The following TGFBR1 variants were observed in gnomAD, a reference collection of about 807,000 sequenced individuals.
The protein encoded by TGFBR1 is transforming growth factor beta receptor 1, also known as TGF-beta receptor type-1.
In TGFBR1, 20 loss-of-function variants were observed where a neutral mutation model predicts 55.1. That is an observed-to-expected ratio of 0.36 (90% CI 0.26 to 0.53). The LOEUF is 0.53. TGFBR1 is among the 20% of genes least tolerant of loss of function. The pLI is 0.91. For synonymous variants in TGFBR1, 220 were observed against 214.8 expected, an observed-to-expected ratio of 1.02 and a Z score of -0.21; for missense variants, 385 against 617.6, an observed-to-expected ratio of 0.62 and a Z score of 3.99.
Position 99,142,627 on chromosome 9 carries a change from G to A in TGFBR1, c.897G>A (p.Val299=), listed in dbSNP as rs369881419. The part of the protein sequence containing the change: ...FDYLNRYTVT[V]EGMIKLALST... ...ACTTAAACAGATACACAGTTACTGT[G>A]GAAGGAATGATAAAACTTGCTCTGT... Residue 299 remains valine, a synonymous_variant, in exon 5 of 9, where the codon GTG becomes GTA. Transcript: ENST00000374994. 38 of 1,613,938 alleles carry A rather than the reference G, an allele frequency of 2.4e-5. No individual in the cohort carries two copies. Among genetic ancestry groups the A allele is most frequent in the Non-Finnish European group, 3.1e-5 (36 of 1,179,934 alleles).
Position 99,149,832 on chromosome 9 carries a change from A to G in TGFBR1, c.*527A>G, listed in dbSNP as rs1263693104. 1 of 225,056 alleles carries G rather than the reference A, an allele frequency of 4.4e-6. No individual in the cohort carries two copies. Among genetic ancestry groups the G allele is most frequent in the African/African-American group, 2.2e-5 (1 of 44,536 alleles). 13.9% of individuals were successfully genotyped at this position (225,056 alleles called of 1,614,324 possible). ...TAAAACTCTTATCTTGAGTCTAAAA[A>G]TGACCTCATATAGTAGTGAGGAACA... On this transcript the variant is annotated 3_prime_UTR_variant, in exon 9 of 9. Coordinates refer to ENST00000374994, the MANE Select transcript of TGFBR1 (RefSeq NM_004612.4).
intron 3 of TGFBR1, among the ~76,000 whole-genome samples, chr9:99,134,736 A>G (rs1036584970): frequency 6.8e-6 from 1 of 147,818 alleles, no homozygotes; most frequent in Admixed American, 6.8e-5. Flanking sequence ...TGATTACTGG[A>G]TAAGAATATC....
At chr9:99,144,691 A>G (rs770023798) in intron 5 of TGFBR1, 41 bp from the exon 6 acceptor site, 6 of 1,611,888 alleles carry the variant, frequency 3.7e-6, no homozygotes, top group African/African-American at 1.3e-5. Context: ...TGTGATTGGT[A>G]TTACCTTTTA....
chr9:99,105,444 C>T (rs1159989569), intron 1 of TGFBR1, 142 bp downstream of exon 1: 12 of 732,438 alleles, frequency 1.6e-5, no homozygotes, highest in Admixed American at 6.4e-5. Context: ...GCTCTCGTGG[C>T]GCCGCGCGGC....
At chr9:99,147,901 G>T in intron 8 of TGFBR1, 117 bp downstream of exon 8, 1 of 1,223,514 alleles carries the variant, frequency 8.2e-7, no homozygotes, top group Non-Finnish European at 1.2e-6. Flanking sequence ...TTTCATAGCA[G>T]TCAAACCAAT....
chr9:99,134,802 T>TTTTTTATATA (rs1554700023), intron 3 of TGFBR1, among the ~76,000 whole-genome samples: 1 of 41,384 alleles, frequency 2.4e-5, no homozygotes, highest in Admixed American at 2.9e-4. Context: ...TCTGTTTCCA[T>TTTTTTATATA]TATATATATA....
chr9:99,124,540 C>T (rs1320799430), intron 1 of TGFBR1, among the ~76,000 whole-genome samples: 1 of 151,772 alleles, frequency 6.6e-6, no homozygotes, highest in East Asian at 1.9e-4. Flanking sequence ...GGGCAGTATC[C>T]AGGGGCCAAA....
At chr9:99,120,891 A>G (rs550081439) in intron 1 of TGFBR1, among the ~76,000 whole-genome samples, 1 of 152,310 alleles carries the variant, frequency 6.6e-6, no homozygotes, top group South Asian at 2.1e-4. Flanking sequence ...AAGCCTTTGT[A>G]TTAGTTACCC....
intron 1 of TGFBR1, among the ~76,000 whole-genome samples, chr9:99,106,096 C>A (rs922254416): frequency 6.6e-6 from 1 of 152,258 alleles, no homozygotes; most frequent in Non-Finnish European, 1.5e-5. Context: ...TTTGCTCATT[C>A]TGCGGGTTTT....
At chr9:99,111,756 A>G (rs1826588788) in intron 1 of TGFBR1, among the ~76,000 whole-genome samples, 1 of 152,342 alleles carries the variant, frequency 6.6e-6, no homozygotes, top group South Asian at 2.1e-4. Context: ...AAAGAGCTTC[A>G]GTTTACAGAG....
Position 99,147,471 on chromosome 9 carries a change from A to T in TGFBR1, c.1256-183A>T, listed in dbSNP as rs334357. On this transcript the variant is annotated intron_variant, in intron 7 of 8. Coordinates refer to ENST00000374994, the MANE Select transcript of TGFBR1 (RefSeq NM_004612.4). ...TACTTAGTTTCAAGGTGTGGGTGGA[A>T]TATCAACTCAGGGAAGTGGCTTGTG... 0.17 allele frequency among the ~76,000 whole-genome samples: 26,064 copies of T among 152,140 alleles called. 2,372 individuals are homozygous for T. The highest frequency in any genetic ancestry group is 0.2 in the Non-Finnish European group (13,570 of 67,970).
At position 99,149,840 on chromosome 9, in the gene TGFBR1, A is replaced by C. The variant is rs1827929330; in HGVS notation, c.*535A>C. ...TTATCTTGAGTCTAAAAATGACCTC[A>C]TATAGTAGTGAGGAACATAATTCAT... On this transcript the variant is annotated 3_prime_UTR_variant, in exon 9 of 9. Transcript: ENST00000374994. 2 of 222,884 alleles carry C rather than the reference A, an allele frequency of 9.0e-6. No homozygotes were observed. Among genetic ancestry groups the C allele is most frequent in the East Asian group, 6.8e-5 (1 of 14,718 alleles). 13.8% of individuals were successfully genotyped at this position (222,884 alleles called of 1,614,324 possible).
intron 1 of TGFBR1, among the ~76,000 whole-genome samples, chr9:99,121,927 A>G (rs1404701035): frequency 1.3e-5 from 2 of 152,148 alleles, no homozygotes; most frequent in African/African-American, 4.8e-5. Context: ...GCACAGGTAA[A>G]AGGCCAAGAG....
At chr9:99,136,419 C>A (rs1034671566) in intron 3 of TGFBR1, among the ~76,000 whole-genome samples, 1 of 152,136 alleles carries the variant, frequency 6.6e-6, no homozygotes, top group South Asian at 2.1e-4. Flanking sequence ...AGATTAGTCT[C>A]CTGAAATTAA....
chr9:99,114,844 C>T (rs1826688998), intron 1 of TGFBR1, among the ~76,000 whole-genome samples: 2 of 152,252 alleles, frequency 1.3e-5, no homozygotes, highest in South Asian at 4.1e-4. Flanking sequence ...CAAACAGGTG[C>T]AAGTCAGTAA....
Position 99,146,656 on chromosome 9 carries a change from G to A in TGFBR1, c.1255+47G>A, listed in dbSNP as rs771827028. The A allele has an allele frequency of 3.7e-5, 59 of 1,612,856 alleles. No individual in the cohort carries two copies. In the Admixed American group the frequency reaches 8.2e-4, roughly 22 times the overall value. On this transcript the variant is annotated intron_variant, in intron 7 of 8. Transcript: ENST00000374994. ...CAGTAGTTTGTCATGAGCAGAAGTT[G>A]TTCAAGAATTGTCTTCTTTTTTTAA...
At chr9:99,139,337 A>T (rs1352837445) in intron 4 of TGFBR1, among the ~76,000 whole-genome samples, 1 of 152,068 alleles carries the variant, frequency 6.6e-6, no homozygotes, top group Non-Finnish European at 1.5e-5. Flanking sequence ...GTTGGTAATT[A>T]TGGGTGATTT....
At position 99,132,694 on chromosome 9, in the gene TGFBR1, T is replaced by C. The variant is rs1827279899; in HGVS notation, c.529T>C (p.Leu177=). The part of the protein sequence containing the change: ...DRPFISEGTT[L]KDLIYDMTTS... The stretch of plus-strand genomic sequence containing the variant: ...CCCTTTTATTTCAGAGGGTACTACG[T>C]TGAAAGACTTAATTTATGATATGAC... The change falls in exon 3 of 9, where the codon TTG becomes CTG. Residue 177 remains leucine (L), a synonymous_variant. Coordinates refer to ENST00000374994, the MANE Select transcript of TGFBR1 (RefSeq NM_004612.4). 7 of 1,614,168 alleles carry C rather than the reference T, an allele frequency of 4.3e-6. No homozygotes were observed. The highest frequency in any genetic ancestry group is 5.9e-6 in the Non-Finnish European group (7 of 1,180,020).
At position 99,153,803 on chromosome 9, in the gene TGFBR1, C is replaced by G. The variant is rs200426010; in HGVS notation, c.*4498C>G. On this transcript the variant is annotated 3_prime_UTR_variant, in exon 9 of 9. Coordinates refer to ENST00000374994, the MANE Select transcript of TGFBR1 (RefSeq NM_004612.4). ...GCAAGTTACAATATTATAGCGTGTT[C>G]GGGGAGTGCCCTCCTGTCTGCAGGT... 1 of 209,004 alleles carries G rather than the reference C, an allele frequency of 4.8e-6. No homozygotes were observed. Among genetic ancestry groups the G allele is most frequent in the Non-Finnish European group, 9.7e-6 (1 of 102,638 alleles). The allele number at this position is 209,004 out of a possible 1,614,324, so 12.9% of individuals were successfully genotyped here. A position where few individuals can be genotyped will look rare whatever the true frequency, so the allele number is the denominator to read the frequency against.
Sources: allele counts gnomAD v4.1 joint callset (sites outside exome capture counted in the v4.1 genomes callset), GRCh38; gene constraint gnomAD v4.1.1; transcripts MANE v1.5; gene names NCBI Gene and HGNC (gene_info 2026-07-23, HGNC 2026-07-21).